ZNF831: variants seen among roughly 807,000 people sequenced by gnomAD.
The protein encoded by ZNF831 is zinc finger protein 831.
Under a neutral mutation model 95.8 loss-of-function variants are expected in ZNF831, and 59 were observed. That is an observed-to-expected ratio of 0.62 (90% CI 0.50 to 0.77). ZNF831 has a LOEUF of 0.77. Among genes scored for constraint, ZNF831 ranks in the 30% least tolerant of loss-of-function variants. The pLI, the probability that ZNF831 is intolerant of heterozygous loss-of-function variation, is 0.00. For synonymous variants in ZNF831, 961 were observed against 925.5 expected (o/e 1.04, Z -0.70); for missense variants, 2,205 against 2,164.0 (o/e 1.02, Z -0.38).
intron 3 of ZNF831, among the ~76,000 whole-genome samples, chr20:59,201,808 A>T (rs912232267): frequency 1.3e-5 from 2 of 152,214 alleles, no homozygotes; most frequent in Admixed American, 1.3e-4. Flanking sequence ...AAGTATTCCA[A>T]AGAGTGTGGT....
intron 4 of ZNF831, among the ~76,000 whole-genome samples, chr20:59,207,358 A>G (rs1224567788): frequency 6.6e-6 from 1 of 152,232 alleles, no homozygotes; most frequent in Non-Finnish European, 1.5e-5. Flanking sequence ...CCAGGAGAAC[A>G]TGAATCACAG....
rs1210190217 is a variant in ZNF831 at position 59,256,955 on chromosome 20, T to A, written c.*2212T>A. Reference sequence around the variant, plus strand: ...GAGAAAACCTATCTGTAGGCTGAACTGGCTCCTTTGTCTTAGGAGGCACTG... The same window carrying A: ...GAGAAAACCTATCTGTAGGCTGAACAGGCTCCTTTGTCTTAGGAGGCACTG... On this transcript the variant is annotated 3_prime_UTR_variant, in exon 6 of 6. Coordinates refer to ENST00000371030, the MANE Select transcript of ZNF831 (RefSeq NM_178457.3). 1 of 152,218 alleles carries A rather than the reference T, an allele frequency of 6.6e-6. No homozygotes were observed. Among genetic ancestry groups the A allele is most frequent in the Non-Finnish European group, 1.5e-5 (1 of 68,048 alleles). 9.4% of individuals were successfully genotyped at this position (152,218 alleles called of 1,614,324 possible).
chr20:59,154,539 T>C (rs1980424148), intron 2 of ZNF831, among the ~76,000 whole-genome samples: 2 of 152,050 alleles, frequency 1.3e-5, no homozygotes, highest in Admixed American at 1.3e-4. Flanking sequence ...CCATGAGGAG[T>C]TCCTCCTTTT....
chr20:59,139,552 C>G (rs1356676983), intron 1 of ZNF831, among the ~76,000 whole-genome samples: 1 of 152,078 alleles, frequency 6.6e-6, no homozygotes, highest in Non-Finnish European at 1.5e-5. Context: ...CCAGTGAACA[C>G]ATGTAACTAA....
intron 1 of ZNF831, among the ~76,000 whole-genome samples, chr20:59,183,359 C>T (rs1267948921): frequency 6.6e-6 from 1 of 152,230 alleles, no homozygotes; most frequent in Non-Finnish European, 1.5e-5. Flanking sequence ...ACAGGGTCTA[C>T]ACCAAGGGTG....
At chr20:59,202,470 G>T (rs1182054229) in intron 3 of ZNF831, among the ~76,000 whole-genome samples, 1 of 151,584 alleles carries the variant, frequency 6.6e-6, no homozygotes, top group African/African-American at 2.4e-5. Context: ...TAAAATTTTT[G>T]ACTGTGAGTT....
intron 2 of ZNF831, 148 bp downstream of exon 2, chr20:59,194,905 C>T (rs1231174451): frequency 1.7e-6 from 2 of 1,179,042 alleles, no homozygotes; most frequent in African/African-American, 3.1e-5. Context: ...CTGGGGATAC[C>T]ACATAGACAG....
chr20:59,199,216 G>A (rs553550079), intron 3 of ZNF831, among the ~76,000 whole-genome samples: 1 of 151,666 alleles, frequency 6.6e-6, no homozygotes, highest in East Asian at 1.9e-4. Context: ...TTGTCTTAAT[G>A]TTCTACAGAA....
At chr20:59,150,098 G>A (rs985153099) in intron 2 of ZNF831, among the ~76,000 whole-genome samples, 2 of 152,208 alleles carry the variant, frequency 1.3e-5, no homozygotes, top group African/African-American at 4.8e-5. Flanking sequence ...GTTCACAATG[G>A]TAACCACCAG....
intron 2 of ZNF831, chr20:59,146,589 C>G (rs1368037707): frequency 6.6e-6 from 1 of 152,238 alleles, no homozygotes; most frequent in Non-Finnish European, 1.5e-5. Flanking sequence ...GCTTCTAGCC[C>G]CTCCTCCTCA....
At chr20:59,161,936 G>T (rs778615817), upstream of ZNF831, among the ~76,000 whole-genome samples, 4 of 151,924 alleles carry the variant, frequency 2.6e-5, no homozygotes, top group African/African-American at 9.7e-5. Flanking sequence ...GTTATTTTTT[G>T]ACTTTTTAGT....
chr20:59,191,959 G>A lies in ZNF831; in HGVS notation c.940G>A (p.Ala314Thr), dbSNP rs761317651. 47 of 1,607,438 alleles carry A rather than the reference G, an allele frequency of 2.9e-5. 1 individual carries two copies. The highest frequency in any genetic ancestry group is 3.3e-4 in the Middle Eastern group (2 of 6,006). The part of the protein sequence containing the change: ...QKSPTAGKPC[A>T]LQRQQATAAE... ...GTCGCCGACCGCCGGGAAGCCGTGC[G>A]CCCTGCAGCGGCAGCAGGCGACGGC... Residue 314 changes from alanine (A) to threonine (T), a missense_variant, in exon 2 of 6, where the codon GCC becomes ACC. Coordinates refer to ENST00000371030, the MANE Select transcript of ZNF831 (RefSeq NM_178457.3).
At chr20:59,156,149 G>C (rs112008641) in intron 2 of ZNF831, among the ~76,000 whole-genome samples, 6 of 152,324 alleles carry the variant, frequency 3.9e-5, no homozygotes, top group Non-Finnish European at 8.8e-5. Flanking sequence ...TAAGGCCGTA[G>C]ACATATTCAC....
chr20:59,251,028 A>G (rs1987861565), intron 4 of ZNF831, among the ~76,000 whole-genome samples: 1 of 152,218 alleles, frequency 6.6e-6, no homozygotes, highest in Non-Finnish European at 1.5e-5. Context: ...AATGTTTTGT[A>G]TTCTTAAAAA....
At chr20:59,221,752 A>G (rs919214164) in intron 4 of ZNF831, among the ~76,000 whole-genome samples, 1 of 152,214 alleles carries the variant, frequency 6.6e-6, no homozygotes, top group African/African-American at 2.4e-5. Flanking sequence ...CTTCCAAAGG[A>G]CATGAACAAG....
chr20:59,141,656 T>C (rs1038769861), intron 1 of ZNF831, among the ~76,000 whole-genome samples: 1 of 152,238 alleles, frequency 6.6e-6, no homozygotes, highest in African/African-American at 2.4e-5. Flanking sequence ...ATGTGATTCC[T>C]CCAACTTTAT....
At chr20:59,240,584 G>A (rs892488683) in intron 4 of ZNF831, among the ~76,000 whole-genome samples, 2 of 152,032 alleles carry the variant, frequency 1.3e-5, no homozygotes, top group East Asian at 2.0e-4. Context: ...GGCGGATCAC[G>A]AGGTCAGGAG....
chr20:59,253,869 C>CCCT lies in ZNF831; in HGVS notation c.4189-29_4189-28insCCT, dbSNP rs1555837608. ...TTGTACCAATTAACCTCCCCCCCCA[C>CCCT]TTTTTTTTTCCTTTGCACTTTGTTG... is the stretch of plus-strand genomic sequence containing the variant. On this transcript the variant is annotated intron_variant, in intron 5 of 5. Transcript: ENST00000371030. The CCCT allele has an allele frequency of 7.4e-5, 79 of 1,067,418 alleles. 1 individual carries two copies. The highest frequency in any genetic ancestry group is 3.8e-4 in the South Asian group (19 of 49,840). The allele number at this position is 1,067,418 out of a possible 1,614,324, so 66.1% of individuals were successfully genotyped here. A position where few individuals can be genotyped will look rare whatever the true frequency, so the allele number is the denominator to read the frequency against.
rs2146598630 is a variant in ZNF831, at chr20:59,194,384, C to T, written c.3365C>T (p.Pro1122Leu). 1.2e-6 allele frequency: 2 copies of T among 1,610,478 alleles called. No homozygotes were observed. The highest frequency in any genetic ancestry group is 1.7e-6 in the Non-Finnish European group (2 of 1,178,414). The change falls in exon 2 of 6, where the codon CCC becomes CTC. Residue 1122 changes from proline (P) to leucine (L), a missense_variant. Pro to Leu is a moderately conservative substitution (Grantham distance 98). Transcript: ENST00000371030. ...CCTTCTTCAGGGCCCCTGGTGGGCC[C>T]CGACCCGTGTTCCCCCCTCCAGCCT... Reference protein sequence around the residue: ...EDPSSGPLVGPDPCSPLQPGS... With the variant: ...EDPSSGPLVGLDPCSPLQPGS...
Sources: gnomAD v4.1 joint callset for allele counts (sites outside exome capture counted in the v4.1 genomes callset) on GRCh38, gnomAD v4.1.1 for gene constraint, MANE v1.5 for transcripts, NCBI Gene and HGNC (gene_info 2026-07-23, HGNC 2026-07-21) for gene names.